SESN1: variants seen among roughly 807,000 people sequenced by gnomAD.
The protein encoded by SESN1 is sestrin 1.
SESN1 carries 30 observed loss-of-function variants against 59.3 expected under a neutral mutation model. The ratio of observed to expected loss-of-function variants is 0.51; its 90% CI spans 0.38 to 0.69. The LOEUF (loss-of-function observed/expected upper bound fraction) is 0.69. Among genes scored for constraint, SESN1 ranks in the 30% least tolerant of loss-of-function variants. SESN1 has a pLI of 0.00. For missense variants in SESN1, 566 were observed against 673.0 expected, an observed-to-expected ratio of 0.84 and a Z score of 1.76; for synonymous variants, 197 against 219.9, an observed-to-expected ratio of 0.90 and a Z score of 0.92.
intron 1 of SESN1, among the ~76,000 whole-genome samples, chr6:109,007,504 A>G (rs1779756880): frequency 6.6e-6 from 1 of 152,292 alleles, no homozygotes; most frequent in Non-Finnish European, 1.5e-5. Context: ...ATTCACAGTA[A>G]TTTTATTTTT....
chr6:108,992,423 T>C (rs1212456537), intron 7 of SESN1, among the ~76,000 whole-genome samples: 1 of 152,134 alleles, frequency 6.6e-6, no homozygotes, highest in Non-Finnish European at 1.5e-5. Flanking sequence ...GGCCCCTTAG[T>C]TTTTTGAGCA....
chr6:108,989,025 C>T (rs908177082), intron 8 of SESN1, among the ~76,000 whole-genome samples: 3 of 152,130 alleles, frequency 2.0e-5, no homozygotes, highest in East Asian at 1.9e-4. Flanking sequence ...ATTATTGAGA[C>T]GGAGTCTTGC....
intron 6 of SESN1, among the ~76,000 whole-genome samples, chr6:108,994,260 C>T (rs186837888): frequency 6.6e-6 from 1 of 152,036 alleles, no homozygotes; most frequent in Non-Finnish European, 1.5e-5. Flanking sequence ...TAAATGTCCT[C>T]CCCCTTAGTC....
chr6:109,085,493 T>G (rs1363683383), intron 1 of SESN1, among the ~76,000 whole-genome samples: 1 of 150,316 alleles, frequency 6.7e-6, no homozygotes, highest in Non-Finnish European at 1.5e-5. Flanking sequence ...CACTCCAGCC[T>G]AGGTGACAGA....
intron 1 of SESN1, among the ~76,000 whole-genome samples, chr6:109,092,495 C>A (rs749399730): frequency 9.9e-5 from 15 of 152,088 alleles, no homozygotes; most frequent in Non-Finnish European, 1.5e-4. Context: ...AATTAAGCAG[C>A]AAAATGAAAG....
chr6:109,051,539 G>A (rs918293620), intron 1 of SESN1, among the ~76,000 whole-genome samples: 4 of 152,090 alleles, frequency 2.6e-5, no homozygotes, highest in Non-Finnish European at 5.9e-5. Context: ...CAAAGATGGG[G>A]TTCTAAAGTA....
chr6:109,023,691 A>G (rs1266761271), intron 1 of SESN1, among the ~76,000 whole-genome samples: 4 of 152,218 alleles, frequency 2.6e-5, no homozygotes, highest in African/African-American at 9.7e-5. Context: ...ATTATGTTAC[A>G]GGCTTTGCAC....
At chr6:109,092,046 C>T (rs564573198) in intron 1 of SESN1, among the ~76,000 whole-genome samples, 3 of 152,122 alleles carry the variant, frequency 2.0e-5, no homozygotes, top group Non-Finnish European at 4.4e-5. Flanking sequence ...TATAATTGTA[C>T]AATAGATGCA....
intron 6 of SESN1, among the ~76,000 whole-genome samples, chr6:108,994,163 A>AAAAAAAAAAAG (rs1554262755): frequency 6.8e-6 from 1 of 147,086 alleles, no homozygotes. Context: ...AAAAAAAAAA[A>AAAAAAAAAAAG]GAGAAAAAAG....
chr6:109,000,905 A>G (rs1779607159), intron 3 of SESN1, among the ~76,000 whole-genome samples: 1 of 152,180 alleles, frequency 6.6e-6, no homozygotes, highest in Admixed American at 6.5e-5. Context: ...TGAACTTTAG[A>G]CATTTTATCT....
At chr6:109,003,150 T>C (rs75675305) in intron 1 of SESN1, among the ~76,000 whole-genome samples, 14,912 of 151,956 alleles carry the variant, frequency 0.098, 890 homozygotes, top group Middle Eastern at 0.19. Flanking sequence ...GAAACAAAAC[T>C]AAAATAATAT....
chr6:109,041,130 G>C (rs896355999), intron 1 of SESN1, among the ~76,000 whole-genome samples: 4 of 145,812 alleles, frequency 2.7e-5, no homozygotes, highest in African/African-American at 1.0e-4. Context: ...GTGGGACCCT[G>C]TTTCTATTAA....
At chr6:109,079,517 T>G (rs1781086539) in intron 1 of SESN1, among the ~76,000 whole-genome samples, 1 of 152,202 alleles carries the variant, frequency 6.6e-6, no homozygotes. Context: ...TTGCAAATAT[T>G]TTGTGCTTAA....
rs771148252 is a variant in SESN1, at chr6:109,093,986, G to A, written c.88C>T (p.Gln30Ter). Residue 30 changes from glutamine (Q) to a stop codon, truncating the protein, a stop_gained, in exon 1 of 10, where the codon CAA becomes TAA. Coordinates refer to ENST00000436639, the MANE Select transcript of SESN1 (RefSeq NM_014454.3). LOFTEE classifies it high-confidence loss of function. ...TRETALENIR[Q>*]TILRKTEYLR... Reference sequence around the variant, plus strand: ...TACTCGGTTTTCCTCAAAATGGTTTGCCTAATGTTTTCCAATGCTGTCTCC... The same window carrying A: ...TACTCGGTTTTCCTCAAAATGGTTTACCTAATGTTTTCCAATGCTGTCTCC... 1 of 1,614,190 alleles carries A rather than the reference G, an allele frequency of 6.2e-7. No homozygotes were observed. The highest frequency in any genetic ancestry group is 8.5e-7 in the Non-Finnish European group (1 of 1,180,042).
chr6:109,000,725 T>A, intron 3 of SESN1, 52 bp from the exon 4 acceptor site: 1 of 1,312,830 alleles, frequency 7.6e-7, no homozygotes, highest in African/African-American at 1.5e-5. Flanking sequence ...TTGAACTACA[T>A]ATCCTTTTTA....
At chr6:109,090,757 A>T in intron 1 of SESN1, 1 of 152,156 alleles carries the variant, frequency 6.6e-6, no homozygotes, top group East Asian at 1.9e-4. Flanking sequence ...AGGCATACTC[A>T]AGTGTAACTT....
chr6:109,009,209 G>A (rs1184892086), intron 1 of SESN1: 4 of 823,536 alleles, frequency 4.9e-6, no homozygotes, highest in East Asian at 3.5e-5. Flanking sequence ...GCTGCTCCCC[G>A]GGAGCCCGCC....
intron 9 of SESN1, chr6:108,988,224 T>G: frequency 5.1e-6 from 1 of 195,856 alleles, no homozygotes; most frequent in Non-Finnish European, 1.0e-5. Context: ...CATTATTCAG[T>G]AATTTCTATA....
chr6:108,993,233 T>A (rs1031072862), intron 6 of SESN1, among the ~76,000 whole-genome samples: 1 of 152,202 alleles, frequency 6.6e-6, no homozygotes. Context: ...ATTTTTAAGA[T>A]AACTACAAAA....
Sources: allele counts gnomAD v4.1 joint callset (sites outside exome capture counted in the v4.1 genomes callset), GRCh38; gene constraint gnomAD v4.1.1; transcripts MANE v1.5; gene names NCBI Gene and HGNC (gene_info 2026-07-23, HGNC 2026-07-21).